Variants in LINGO2 observed in about 807,000 individuals in gnomAD.
LINGO2 encodes the protein leucine-rich repeat and immunoglobulin-like domain-containing nogo receptor-interacting protein 2.
Under a neutral mutation model 30.6 loss-of-function variants are expected in LINGO2, and 14 were observed. That is an observed-to-expected ratio of 0.46 (90% CI 0.30 to 0.72). The LOEUF (loss-of-function observed/expected upper bound fraction) is 0.72, where lower values mean the gene tolerates loss of function less well. Among genes scored for constraint, LINGO2 ranks in the 30% least tolerant of loss-of-function variants. The pLI is 0.07. For missense variants in LINGO2, 729 were observed against 751.7 expected (o/e 0.97, Z 0.35); for synonymous variants, 317 against 288.5 (o/e 1.10, Z -1.00).
chr9:28,455,884 G>A (rs1032391140), intron 2 of LINGO2, among the ~76,000 whole-genome samples: 6 of 151,926 alleles, frequency 3.9e-5, no homozygotes, highest in Non-Finnish European at 8.8e-5. Context: ...TTTTAACCAG[G>A]GGCTATACTC....
chr9:28,678,487 T>C, the LINGO2 span, among the ~76,000 whole-genome samples: 1 of 152,182 alleles, frequency 6.6e-6, no homozygotes, highest in African/African-American at 2.4e-5. Context: ...AATAGAGTGG[T>C]TTCGAGCGCA....
intron 2 of LINGO2, among the ~76,000 whole-genome samples, chr9:28,467,000 T>C (rs1157701176): frequency 6.8e-6 from 1 of 146,468 alleles, no homozygotes; most frequent in Non-Finnish European, 1.5e-5. Context: ...TTTGTTCCAC[T>C]AATAAAAATA....
intron 5 of LINGO2, among the ~76,000 whole-genome samples, chr9:27,961,671 T>C (rs1819855057): frequency 6.6e-6 from 1 of 152,154 alleles, no homozygotes; most frequent in Non-Finnish European, 1.5e-5. Flanking sequence ...GAAAAATTAA[T>C]CTGATTCCAA....
At chr9:28,535,125 C>T (rs1044612321) in intron 1 of LINGO2, among the ~76,000 whole-genome samples, 5 of 152,004 alleles carry the variant, frequency 3.3e-5, no homozygotes, top group Admixed American at 1.3e-4. Context: ...ATATTTATTG[C>T]TTTGTTCATT....
chr9:28,908,777 T>G, the LINGO2 span, among the ~76,000 whole-genome samples: 5 of 151,954 alleles, frequency 3.3e-5, no homozygotes, highest in Admixed American at 2.6e-4. Flanking sequence ...TTAGAGAGAA[T>G]AATTTCATTT....
At chr9:28,731,557 G>A in the LINGO2 span, among the ~76,000 whole-genome samples, 2 of 152,148 alleles carry the variant, frequency 1.3e-5, no homozygotes, top group Non-Finnish European at 2.9e-5. Flanking sequence ...GTTGGTGAGT[G>A]CGGTTTAAAA....
chr9:29,025,857 G>T, the LINGO2 span, among the ~76,000 whole-genome samples: 1 of 151,936 alleles, frequency 6.6e-6, no homozygotes, highest in African/African-American at 2.4e-5. Flanking sequence ...TGATTAACTT[G>T]TTTGGATTCC....
At chr9:28,440,428 T>C (rs1824146246) in intron 2 of LINGO2, among the ~76,000 whole-genome samples, 1 of 152,146 alleles carries the variant, frequency 6.6e-6, no homozygotes, top group African/African-American at 2.4e-5. Context: ...TCAGAAGAAT[T>C]TGGAAATAGT....
intron 4 of LINGO2, among the ~76,000 whole-genome samples, chr9:28,248,136 T>C (rs568868685): frequency 2.0e-5 from 3 of 152,258 alleles, no homozygotes; most frequent in East Asian, 1.9e-4. Context: ...AATCAGTATA[T>C]CAAAGGGATA....
the LINGO2 span, among the ~76,000 whole-genome samples, chr9:28,695,997 T>C: frequency 2.0e-5 from 3 of 151,976 alleles, no homozygotes; most frequent in Non-Finnish European, 2.9e-5. Flanking sequence ...AACAACTTGA[T>C]AAAAAATAAT....
intron 1 of LINGO2, among the ~76,000 whole-genome samples, chr9:28,521,325 G>T (rs974430904): frequency 1.3e-5 from 2 of 152,132 alleles, no homozygotes; most frequent in Non-Finnish European, 2.9e-5. Context: ...ATTCAAAACT[G>T]TAGTGAGGGT....
chr9:28,270,292 C>A (rs890064074), intron 4 of LINGO2, among the ~76,000 whole-genome samples: 3 of 152,032 alleles, frequency 2.0e-5, no homozygotes, highest in African/African-American at 7.2e-5. Flanking sequence ...GTGCTTGTAT[C>A]AAGCAGTTGA....
At chr9:28,046,332 G>T (rs1824421219) in intron 4 of LINGO2, among the ~76,000 whole-genome samples, 1 of 152,136 alleles carries the variant, frequency 6.6e-6, no homozygotes, top group Non-Finnish European at 1.5e-5. Flanking sequence ...GCCTGTATCA[G>T]AAGCATTTGC....
At chr9:28,640,280 A>T (rs12379280) in intron 1 of LINGO2, among the ~76,000 whole-genome samples, 42,159 of 151,706 alleles carry the variant, frequency 0.28, 6,749 homozygotes, top group African/African-American at 0.44. Context: ...AACTTTGGTG[A>T]ATCTGACAAT....
At chr9:28,789,288 G>A in the LINGO2 span, among the ~76,000 whole-genome samples, 1 of 152,136 alleles carries the variant, frequency 6.6e-6, no homozygotes, top group Admixed American at 6.5e-5. Context: ...TCATAATTTT[G>A]TTGTTTGATA....
the LINGO2 span, among the ~76,000 whole-genome samples, chr9:29,183,495 G>T: frequency 6.6e-6 from 1 of 152,128 alleles, no homozygotes; most frequent in Admixed American, 6.6e-5. Flanking sequence ...TCAGGTGCCA[G>T]AAGCAGATCT....
intron 2 of LINGO2, among the ~76,000 whole-genome samples, chr9:28,435,344 A>G (rs1823881841): frequency 6.6e-6 from 1 of 152,174 alleles, no homozygotes; most frequent in Non-Finnish European, 1.5e-5. Flanking sequence ...GTCAAATTTT[A>G]TTTAGCGGTA....
chr9:27,986,639 G>A (rs1821137598), intron 5 of LINGO2, among the ~76,000 whole-genome samples: 1 of 151,828 alleles, frequency 6.6e-6, no homozygotes. Flanking sequence ...CTGACTTTGA[G>A]GGAAGGTAGG....
At chr9:28,381,581 A>T (rs183098589) in intron 2 of LINGO2, among the ~76,000 whole-genome samples, 9 of 151,938 alleles carry the variant, frequency 5.9e-5, no homozygotes, top group African/African-American at 2.2e-4. Context: ...TGTCTGAATC[A>T]GCACCATCAA....
Sources: allele counts gnomAD v4.1 joint callset (sites outside exome capture counted in the v4.1 genomes callset), GRCh38; gene constraint gnomAD v4.1.1; transcripts MANE v1.5; gene names NCBI Gene and HGNC (gene_info 2026-07-23, HGNC 2026-07-21).